Variants in PDE1C observed in about 807,000 individuals in gnomAD.
PDE1C encodes dual specificity calcium/calmodulin-dependent 3',5'-cyclic nucleotide phosphodiesterase 1C.
Under a neutral mutation model 93.1 loss-of-function variants are expected in PDE1C, and 62 were observed. The ratio of observed to expected loss-of-function variants is 0.67; its 90% confidence interval spans 0.54 to 0.82. PDE1C has a LOEUF of 0.82. PDE1C is among the 40% of genes least tolerant of loss of function. The pLI is 0.00. For missense variants in PDE1C, 742 were observed against 884.6 expected (o/e 0.84, Z 2.04); for synonymous variants, 325 against 310.1 (o/e 1.05, Z -0.50).
intron 1 of PDE1C, among the ~76,000 whole-genome samples, chr7:32,295,110 T>A (rs1007888522): frequency 6.6e-6 from 1 of 152,230 alleles, no homozygotes; most frequent in African/African-American, 2.4e-5. Flanking sequence ...TAACTAACCT[T>A]GTTTCTTCTA....
At chr7:32,266,635 A>T (rs1810594830) in intron 1 of PDE1C, among the ~76,000 whole-genome samples, 1 of 152,196 alleles carries the variant, frequency 6.6e-6, no homozygotes, top group African/African-American at 2.4e-5. Context: ...CCATGATGTG[A>T]TAGATAAGGT....
intron 2 of PDE1C, among the ~76,000 whole-genome samples, chr7:31,986,341 G>C (rs1438125798): frequency 6.6e-6 from 1 of 152,092 alleles, no homozygotes; most frequent in Admixed American, 6.5e-5. Flanking sequence ...AAAGACACCA[G>C]TCATTGGATT....
intron 7 of PDE1C, among the ~76,000 whole-genome samples, chr7:31,856,377 G>A (rs1018456842): frequency 5.2e-4 from 79 of 152,212 alleles, no homozygotes; most frequent in African/African-American, 1.8e-3. Context: ...GGTCTGAATC[G>A]ATCACGGAAA....
At chr7:31,777,576 T>G (rs373472824) in intron 16 of PDE1C, among the ~76,000 whole-genome samples, 7 of 152,038 alleles carry the variant, frequency 4.6e-5, no homozygotes, top group African/African-American at 1.7e-4. Context: ...ATCCACACAC[T>G]TCGGGCTCTC....
chr7:31,874,178 C>CT (rs1408494220), intron 5 of PDE1C, among the ~76,000 whole-genome samples: 6 of 152,200 alleles, frequency 3.9e-5, no homozygotes, highest in African/African-American at 1.4e-4. Flanking sequence ...AAAAACTAAA[C>CT]TGAACACACA....
chr7:31,744,757 T>C, the PDE1C span, among the ~76,000 whole-genome samples: 1 of 152,172 alleles, frequency 6.6e-6, no homozygotes, highest in Non-Finnish European at 1.5e-5. Context: ...TCCCAAGGCA[T>C]TTTAGCCTAG....
At chr7:32,184,685 T>TA (rs1197001039) in intron 2 of PDE1C, among the ~76,000 whole-genome samples, 3 of 152,174 alleles carry the variant, frequency 2.0e-5, no homozygotes, top group African/African-American at 7.2e-5. Context: ...CATTAGGAGA[T>TA]ATACCTAATG....
intron 1 of PDE1C, among the ~76,000 whole-genome samples, chr7:32,294,268 A>G (rs891426163): frequency 3.3e-5 from 5 of 152,198 alleles, no homozygotes; most frequent in Admixed American, 6.5e-5. Context: ...CAAGGCAGAA[A>G]AGCCAGTGGC....
At chr7:31,807,039 A>G (rs1786930785) in intron 16 of PDE1C, among the ~76,000 whole-genome samples, 1 of 151,980 alleles carries the variant, frequency 6.6e-6, no homozygotes, top group South Asian at 2.1e-4. Flanking sequence ...GCCACCAAGA[A>G]TTAGCTTTAG....
At chr7:32,420,202 T>TAC (rs375055289) in intron 1 of PDE1C, among the ~76,000 whole-genome samples, 1 of 35,586 alleles carries the variant, frequency 2.8e-5, no homozygotes, top group East Asian at 7.2e-4. Flanking sequence ...TGTATATATA[T>TAC]ACATATATAT....
intron 1 of PDE1C, among the ~76,000 whole-genome samples, chr7:32,318,790 G>A (rs1169162372): frequency 6.6e-6 from 1 of 152,154 alleles, no homozygotes; most frequent in Admixed American, 6.5e-5. Context: ...AAAGAGCCAC[G>A]GCAGAGGCCT....
intron 2 of PDE1C, among the ~76,000 whole-genome samples, chr7:31,917,168 T>G (rs903459725): frequency 2.2e-4 from 34 of 152,070 alleles, no homozygotes; most frequent in African/African-American, 8.0e-4. Flanking sequence ...CCTGACTCCA[T>G]CCCAAATATC....
chr7:31,662,835 C>T, the PDE1C span, among the ~76,000 whole-genome samples: 12 of 152,194 alleles, frequency 7.9e-5, no homozygotes, highest in Admixed American at 6.5e-5. Context: ...TTCCAAATTC[C>T]TCTAGGTGAT....
chr7:31,801,206 T>G (rs1476643020), intron 16 of PDE1C, among the ~76,000 whole-genome samples: 1 of 151,046 alleles, frequency 6.6e-6, no homozygotes, highest in East Asian at 2.0e-4. Flanking sequence ...ATTAATAAAA[T>G]ATATTAACCT....
chr7:32,057,451 G>A (rs1794272443), intron 1 of PDE1C, among the ~76,000 whole-genome samples: 1 of 152,132 alleles, frequency 6.6e-6, no homozygotes, highest in Non-Finnish European at 1.5e-5. Flanking sequence ...CCCCCTCAAC[G>A]GCTTCGGTCC....
chr7:31,733,527 G>A, the PDE1C span, among the ~76,000 whole-genome samples: 4 of 152,216 alleles, frequency 2.6e-5, no homozygotes, highest in South Asian at 6.2e-4. Context: ...GTTTTCAGAA[G>A]CAGTAAGCAG....
intron 2 of PDE1C, among the ~76,000 whole-genome samples, chr7:31,959,378 A>G (rs1201437986): frequency 6.6e-6 from 1 of 151,916 alleles, no homozygotes; most frequent in Non-Finnish European, 1.5e-5. Context: ...ACGCCCAGCT[A>G]ATTTTTGTAG....
Position 32,319,228 on chromosome 7 carries a change from C to T in PDE1C, c.310+108594G>A, listed in dbSNP as rs192210100. On this transcript the variant is annotated intron_variant, in intron 1 of 1. Coordinates refer to the PDE1C transcript ENST00000672256. ...GCGCCACGTGCTTGGAGACCGTTTT[C>T]GGACACTTCACTAGCTCCTCTGCCT... Among the ~76,000 whole-genome samples the T allele has an allele frequency of 2.1e-3, 322 of 152,366 alleles. 1 individual carries two copies. The highest frequency in any genetic ancestry group is 7.6e-3 in the African/African-American group (315 of 41,602).
the PDE1C span, among the ~76,000 whole-genome samples, chr7:31,642,465 G>C: frequency 1.3e-5 from 2 of 152,224 alleles, no homozygotes; most frequent in African/African-American, 2.4e-5. Context: ...CAAGGTGCCG[G>C]AAAGTGTGGC....
Sources: gnomAD v4.1 joint callset for allele counts (sites outside exome capture counted in the v4.1 genomes callset) on GRCh38, gnomAD v4.1.1 for gene constraint, MANE v1.5 for transcripts, NCBI Gene and HGNC (gene_info 2026-07-23, HGNC 2026-07-21) for gene names.